ARHGAP6: variants seen among roughly 807,000 people sequenced by gnomAD.
ARHGAP6 encodes rho GTPase-activating protein 6.
ARHGAP6 carries 16 observed loss-of-function variants against 55.7 expected under a neutral mutation model. The ratio of observed to expected loss-of-function variants is 0.29; its 90% CI spans 0.19 to 0.44. ARHGAP6 has a LOEUF of 0.44. Ranked by LOEUF, ARHGAP6 falls within the 20% of genes least tolerant of loss-of-function variation. ARHGAP6 has a pLI of 1.00. For missense variants in ARHGAP6, 698 were observed against 808.9 expected (o/e 0.86, Z 1.66); for synonymous variants, 382 against 360.9 (o/e 1.06, Z -0.66).
At chrX:11,636,698 T>C (rs1182652122) in intron 1 of ARHGAP6, among the ~76,000 whole-genome samples, 4 of 112,009 alleles carry the variant, frequency 3.6e-5, no homozygotes, top group Non-Finnish European at 5.7e-5. Context: ...GATTTGCTTG[T>C]TTAAAATCAA....
chrX:11,402,187 T>C (rs1256275436), intron 1 of ARHGAP6, among the ~76,000 whole-genome samples: 5 of 112,046 alleles, frequency 4.5e-5, no homozygotes, highest in East Asian at 2.8e-4. Context: ...CAACATTGCA[T>C]TGAGATTTAG....
At position 11,139,057 on chromosome X, in the gene ARHGAP6, C is replaced by T; in HGVS notation, c.2731G>A (p.Gly911Arg). 8.3e-7 allele frequency: 1 copy of T among 1,206,837 alleles called. No individual in the cohort carries two copies. The highest frequency in any genetic ancestry group is 1.7e-5 in the African/African-American group (1 of 57,943). ...TGCTCTCGCTCGGCTGCTTGGCCTC[C>T]CTGGTCCGTGGGTGTCTCCACGCCT... ...PEGVETPTDQ[G>R]GQAAEREQQV... Residue 911 changes from glycine to arginine, a missense_variant, in exon 13 of 13, where the codon GGA becomes AGA. By Grantham distance (125) the Gly-to-Arg change is moderately radical (BLOSUM62 -2). Around this residue, in one of 3 missense-constraint regions of ARHGAP6, gnomAD observed 212 missense variants for 208.7 expected, o/e 1.02. Transcript: ENST00000337414.
rs1232199593 is a variant in ARHGAP6 at position 11,664,446 on chromosome X, C to A, written c.383G>T (p.Arg128Leu). ...FHFDYEVPLGRGGLKKSMAWD... is the reference protein window; with the variant it reads ...FHFDYEVPLGLGGLKKSMAWD... The stretch of plus-strand genomic sequence containing the variant: ...GGCCATGCTCTTCTTGAGGCCGCCG[C>A]GACCCAGGGGAACCTCATAGTCAAA... Residue 128 changes from arginine to leucine, a missense_variant, in exon 1 of 13, where the codon CGC becomes CTC. By Grantham distance (102) the Arg-to-Leu change is moderately radical. This residue lies in a region of ARHGAP6 where 164 missense variants were observed against 149.2 expected (regional missense o/e 1.10). Coordinates refer to ENST00000337414, the MANE Select transcript of ARHGAP6 (RefSeq NM_013427.3). The A allele has an allele frequency of 8.3e-7, 1 of 1,211,588 alleles. No individual in the cohort carries two copies. The highest frequency in any genetic ancestry group is 3.0e-5 in the East Asian group (1 of 33,825).
At chrX:11,517,301 C>T in intron 1 of ARHGAP6, among the ~76,000 whole-genome samples, 1 of 111,582 alleles carries the variant, frequency 9.0e-6, no homozygotes, top group Non-Finnish European at 1.9e-5. Flanking sequence ...ATCTATTGGC[C>T]AAAGCAAGTC....
At chrX:11,153,524 C>CAAAAA (rs55669123) in intron 10 of ARHGAP6, among the ~76,000 whole-genome samples, 2 of 20,113 alleles carry the variant, frequency 9.9e-5, no homozygotes, top group African/African-American at 4.1e-4. Context: ...GACTCGATCT[C>CAAAAA]AAAAAAAAAA....
intron 10 of ARHGAP6, among the ~76,000 whole-genome samples, chrX:11,154,110 C>A (rs2045830282): frequency 9.1e-6 from 1 of 109,817 alleles, no homozygotes; most frequent in Non-Finnish European, 1.9e-5. Context: ...TGATGGTTTC[C>A]AGCTTCATCC....
chrX:11,357,142 T>A (rs922927927), intron 1 of ARHGAP6, among the ~76,000 whole-genome samples: 4 of 112,182 alleles, frequency 3.6e-5, no homozygotes, highest in Non-Finnish European at 7.5e-5. Context: ...TCAGGTCAAT[T>A]TGAAATGCCA....
intron 1 of ARHGAP6, among the ~76,000 whole-genome samples, chrX:11,351,208 T>C (rs2048860000): frequency 9.0e-6 from 1 of 111,160 alleles, no homozygotes; most frequent in Non-Finnish European, 1.9e-5. Context: ...TTTAAACTGG[T>C]AAAGAAGCAG....
intron 1 of ARHGAP6, among the ~76,000 whole-genome samples, chrX:11,586,594 G>T (rs936615522): frequency 1.8e-5 from 2 of 111,801 alleles, no homozygotes; most frequent in African/African-American, 6.5e-5. Context: ...ATAGTTTGAA[G>T]TTGGGTAATG....
intron 1 of ARHGAP6, among the ~76,000 whole-genome samples, chrX:11,472,671 G>C (rs1488479433): frequency 8.9e-6 from 1 of 111,880 alleles, no homozygotes; most frequent in Non-Finnish European, 1.9e-5. Context: ...AACAATTTGA[G>C]GTAGCCTGAA....
At chrX:11,411,505 T>C (rs1261597282) in intron 1 of ARHGAP6, among the ~76,000 whole-genome samples, 1 of 109,011 alleles carries the variant, frequency 9.2e-6, no homozygotes, top group Non-Finnish European at 1.9e-5. Flanking sequence ...GCTGCTCAGA[T>C]ATGTTTTTGC....
intron 1 of ARHGAP6, among the ~76,000 whole-genome samples, chrX:11,350,502 G>GT (rs2048848860): frequency 8.9e-6 from 1 of 111,928 alleles, no homozygotes; most frequent in Non-Finnish European, 1.9e-5. Context: ...TTATGACTAT[G>GT]TCCCAAAACA....
intron 1 of ARHGAP6, among the ~76,000 whole-genome samples, chrX:11,458,073 A>G (rs2050209968): frequency 1.8e-5 from 2 of 112,243 alleles, no homozygotes; most frequent in African/African-American, 6.5e-5. Context: ...GTGTAGACAC[A>G]GCCTAAAAAA....
chrX:11,576,368 T>C (rs2051598925), intron 1 of ARHGAP6, among the ~76,000 whole-genome samples: 1 of 112,192 alleles, frequency 8.9e-6, no homozygotes, highest in Non-Finnish European at 1.9e-5. Context: ...AGATGCCTTA[T>C]AAATACTTAC....
rs190244079 is a variant in ARHGAP6 at position 11,158,643 on chromosome X, C to T, written c.1810-2017G>A. Among the ~76,000 whole-genome samples the T allele has an allele frequency of 2.9e-3, 329 of 112,451 alleles. 3 individuals carry two copies. Among genetic ancestry groups the T allele is most frequent in the Admixed American group, 0.029 (310 of 10,659 alleles). On this transcript the variant is annotated intron_variant, in intron 9 of 12. Coordinates refer to ENST00000337414, the MANE Select transcript of ARHGAP6 (RefSeq NM_013427.3). ...ATTTACTGGAAACTCTTTTTATTCC[C>T]ATGGCTGAAGCCATCCACTTGCATA...
chrX:11,402,347 C>T (rs1196852740), intron 1 of ARHGAP6, among the ~76,000 whole-genome samples: 1 of 111,252 alleles, frequency 9.0e-6, no homozygotes, highest in East Asian at 2.8e-4. Flanking sequence ...TGAACATTTT[C>T]AAAACATAAA....
intron 1 of ARHGAP6, among the ~76,000 whole-genome samples, chrX:11,307,637 G>A (rs1030442418): frequency 4.4e-5 from 5 of 112,612 alleles, no homozygotes; most frequent in African/African-American, 1.6e-4. Context: ...AGGTACAACA[G>A]AGGAACTTCA....
At chrX:11,425,448 T>C (rs1448391511) in intron 1 of ARHGAP6, among the ~76,000 whole-genome samples, 1 of 112,189 alleles carries the variant, frequency 8.9e-6, no homozygotes, top group African/African-American at 3.2e-5. Context: ...TAAAGAACAT[T>C]CTCTGGACAC....
At chrX:11,140,070 G>A (rs149085940) in intron 12 of ARHGAP6, among the ~76,000 whole-genome samples, 2,859 of 110,630 alleles carry the variant, frequency 0.026, 85 homozygotes, top group African/African-American at 0.09. Context: ...TCACCCAATC[G>A]TTCCCCTTTA....
Sources: allele counts gnomAD v4.1 joint callset (sites outside exome capture counted in the v4.1 genomes callset), GRCh38; gene constraint gnomAD v4.1.1; regional missense constraint gnomAD v4.1.1; transcripts MANE v1.5; gene names NCBI Gene and HGNC (gene_info 2026-07-23, HGNC 2026-07-21).